MYCT1: variants seen among roughly 807,000 people sequenced by gnomAD.
MYCT1 encodes the protein MYC target 1, also known as myc target protein 1.
Under a neutral mutation model 15.0 loss-of-function variants are expected in MYCT1, and 12 were observed. The ratio of observed to expected loss-of-function variants is 0.80; its 90% CI spans 0.51 to 1.29. The LOEUF is 1.29. Ranked by LOEUF, MYCT1 falls within the 50% of genes most tolerant of loss-of-function variation. The pLI is 0.00. For missense variants in MYCT1, 287 were observed against 279.1 expected, an observed-to-expected ratio of 1.03 and a Z score of -0.20; for synonymous variants, 104 against 102.7, an observed-to-expected ratio of 1.01 and a Z score of -0.07.
Position 152,722,428 on chromosome 6 carries a change from T to A in MYCT1, c.*175T>A. 2 of 602,678 alleles carry A rather than the reference T, an allele frequency of 3.3e-6. No homozygotes were observed. The highest frequency in any genetic ancestry group is 5.4e-6 in the Non-Finnish European group (2 of 366,984). The allele number at this position is 602,678 out of a possible 1,614,324, so 37.3% of individuals were successfully genotyped here. On this transcript the variant is annotated 3_prime_UTR_variant, in exon 2 of 2. Coordinates refer to ENST00000367245, the MANE Select transcript of MYCT1 (RefSeq NM_025107.3). ...GTAAAACACATTTTCTTCAAACACG[T>A]TTTCCCTTTTGTTTCAAAAAATGTA...
At chr6:152,738,333 T>C in the MYCT1 span, among the ~76,000 whole-genome samples, 29 of 152,226 alleles carry the variant, frequency 1.9e-4, no homozygotes, top group African/African-American at 6.5e-4. Flanking sequence ...AATGTATACT[T>C]GTGAAAGGAA....
intron 1 of MYCT1, among the ~76,000 whole-genome samples, chr6:152,705,227 G>C (rs890066306): frequency 5.9e-5 from 9 of 152,130 alleles, no homozygotes; most frequent in African/African-American, 2.2e-4. Flanking sequence ...ACTTAAATGT[G>C]CTCAGAACAC....
the MYCT1 span, among the ~76,000 whole-genome samples, chr6:152,731,733 G>A: frequency 2.1e-4 from 31 of 147,514 alleles, no homozygotes; most frequent in African/African-American, 7.4e-4. Context: ...TCACGAGTAA[G>A]CATCAGAGAA....
chr6:152,713,020 G>T (rs2800637), intron 1 of MYCT1, among the ~76,000 whole-genome samples: 50,840 of 151,612 alleles, frequency 0.34, 8,611 homozygotes, highest in South Asian at 0.42. Context: ...TCCTCTGTTT[G>T]GGGGATTATA....
intron 1 of MYCT1, among the ~76,000 whole-genome samples, chr6:152,707,569 G>A (rs1291016214): frequency 6.6e-6 from 1 of 151,634 alleles, no homozygotes; most frequent in South Asian, 2.1e-4. Flanking sequence ...AAATATAATT[G>A]CCCAGATCAA....
At chr6:152,721,627 A>G in intron 1 of MYCT1, 115 bp from the exon 2 acceptor site, 1 of 990,866 alleles carries the variant, frequency 1.0e-6, no homozygotes, top group Non-Finnish European at 1.5e-6. Context: ...TCCCTAATTC[A>G]AAGTATGTTT....
At chr6:152,730,643 T>C in the MYCT1 span, among the ~76,000 whole-genome samples, 2 of 152,190 alleles carry the variant, frequency 1.3e-5, no homozygotes, top group Non-Finnish European at 2.9e-5. Flanking sequence ...GTTACATTGG[T>C]CCCTGCAGTC....
rs747694137 is a variant in MYCT1, at chr6:152,721,935, C to T, written c.390C>T (p.Gly130=). 4.6e-5 allele frequency: 74 copies of T among 1,614,052 alleles called. 1 individual carries two copies. The highest frequency in any genetic ancestry group is 3.8e-4 in the Admixed American group (23 of 59,996). ...LNRTGFYRHS[G]CERRSNLSLA... ...GAACTGGATTTTACCGCCACAGTGG[C>T]TGTGAACGTCGAAGCAACCTCAGCC... Residue 130 remains glycine, a synonymous_variant, in exon 2 of 2, where the codon GGC becomes GGT. Coordinates refer to ENST00000367245, the MANE Select transcript of MYCT1 (RefSeq NM_025107.3).
chr6:152,716,274 T>C (rs2099723670), intron 1 of MYCT1, among the ~76,000 whole-genome samples: 1 of 152,208 alleles, frequency 6.6e-6, no homozygotes, highest in African/African-American at 2.4e-5. Context: ...CAAATTTCTA[T>C]GCCCTAAATA....
chr6:152,713,385 A>G (rs1299146050), intron 1 of MYCT1, among the ~76,000 whole-genome samples: 3 of 152,062 alleles, frequency 2.0e-5, no homozygotes, highest in African/African-American at 7.2e-5. Context: ...ATCATCTTAA[A>G]GTTTGTTTTT....
the MYCT1 span, among the ~76,000 whole-genome samples, chr6:152,740,054 G>A: frequency 2.0e-5 from 3 of 151,952 alleles, no homozygotes; most frequent in Admixed American, 6.6e-5. Context: ...TATTATTATT[G>A]TTATTATTTG....
the MYCT1 span, among the ~76,000 whole-genome samples, chr6:152,744,561 C>T: frequency 3.3e-5 from 5 of 152,196 alleles, 1 homozygote; most frequent in Admixed American, 1.3e-4. Context: ...AGCAGGGAGC[C>T]GTTGGCCCCT....
chr6:152,743,911 G>A, the MYCT1 span, among the ~76,000 whole-genome samples: 2 of 152,332 alleles, frequency 1.3e-5, no homozygotes, highest in Non-Finnish European at 2.9e-5. Context: ...TGATTAAGAA[G>A]AATGGTGATT....
the MYCT1 span, among the ~76,000 whole-genome samples, chr6:152,743,847 T>A: frequency 2.0e-3 from 302 of 152,328 alleles, 4 homozygotes; most frequent in African/African-American, 6.9e-3. Flanking sequence ...AACATTAGTG[T>A]TCCAGACTTG....
intron 1 of MYCT1, among the ~76,000 whole-genome samples, chr6:152,708,310 TAA>T (rs1201095298): frequency 1.3e-5 from 2 of 152,180 alleles, no homozygotes; most frequent in African/African-American, 2.4e-5. Flanking sequence ...TTTTTATATA[TAA>T]GTCTTACATT....
intron 1 of MYCT1, among the ~76,000 whole-genome samples, chr6:152,713,663 A>C (rs146640636): frequency 1.4e-3 from 209 of 152,258 alleles, no homozygotes; most frequent in African/African-American, 4.8e-3. Flanking sequence ...TTTGGAATAC[A>C]TCCCACGTAT....
rs74565476 is a variant in MYCT1 at position 152,722,470 on chromosome 6, G to A, written c.*217G>A. The A allele has an allele frequency of 0.015, 7,333 of 503,200 alleles. 65 individuals are homozygous for A. Among genetic ancestry groups the A allele is most frequent in the Middle Eastern group, 0.027 (52 of 1,910 alleles). The allele number at this position is 503,200 out of a possible 1,614,324, so 31.2% of individuals were successfully genotyped here. ...AAAAATGTAATATTTTCCCCCAAGC[G>A]TTTTATATTTATGTATTTTGTATTC... On this transcript the variant is annotated 3_prime_UTR_variant, in exon 2 of 2. Coordinates refer to ENST00000367245, the MANE Select transcript of MYCT1 (RefSeq NM_025107.3).
the MYCT1 span, among the ~76,000 whole-genome samples, chr6:152,733,513 T>A: frequency 1.3e-5 from 2 of 152,220 alleles, no homozygotes; most frequent in African/African-American, 2.4e-5. Context: ...TTTTAACAAG[T>A]GCCTTGGAGG....
chr6:152,718,172 T>C (rs2099724070), intron 1 of MYCT1, among the ~76,000 whole-genome samples: 1 of 152,096 alleles, frequency 6.6e-6, no homozygotes, highest in South Asian at 2.1e-4. Flanking sequence ...ATTGTTATAG[T>C]TTTAGTGCCA....
Sources: gnomAD v4.1 joint callset for allele counts (sites outside exome capture counted in the v4.1 genomes callset) on GRCh38, gnomAD v4.1.1 for gene constraint, MANE v1.5 for transcripts, NCBI Gene and HGNC (gene_info 2026-07-23, HGNC 2026-07-21) for gene names.